Variants in PARP14 observed in about 807,000 individuals in gnomAD.
PARP14 encodes the protein poly(ADP-ribose) polymerase family member 14.
In PARP14, 59 loss-of-function variants were observed where a neutral mutation model predicts 154.2. The observed-to-expected ratio is 0.38, with a 90% CI of 0.31 to 0.48. The LOEUF (loss-of-function observed/expected upper bound fraction) is 0.48. Among genes scored for constraint, PARP14 ranks in the 20% least tolerant of loss-of-function variants. PARP14 has a pLI of 0.98. For synonymous variants in PARP14, 720 were observed against 780.5 expected, an observed-to-expected ratio of 0.92 and a Z score of 1.29; for missense variants, 1,734 against 2,131.6, an observed-to-expected ratio of 0.81 and a Z score of 3.67.
intron 9 of PARP14, among the ~76,000 whole-genome samples, chr3:122,709,573 G>A (rs1180211181): frequency 6.6e-6 from 1 of 152,140 alleles, no homozygotes. Flanking sequence ...TGGGATTGCT[G>A]GATTGAATGG....
intron 15 of PARP14, 134 bp from the exon 16 acceptor site, chr3:122,727,678 G>T: frequency 2.0e-6 from 1 of 507,332 alleles, no homozygotes; most frequent in Non-Finnish European, 3.4e-6. Context: ...TCTGAATGCA[G>T]AAAGCTGCCG....
intron 6 of PARP14, among the ~76,000 whole-genome samples, chr3:122,703,233 C>T (rs535319910): frequency 2.0e-5 from 3 of 152,188 alleles, no homozygotes; most frequent in Admixed American, 6.5e-5. Flanking sequence ...AAAAAGCTTC[C>T]GGGGCTGCTC....
intron 3 of PARP14, 86 bp from the exon 4 acceptor site, chr3:122,692,215 G>A (rs145002822): frequency 0.011 from 12,159 of 1,123,966 alleles, 172 homozygotes; most frequent in Non-Finnish European, 9.9e-3. Flanking sequence ...CAAGGAGAGA[G>A]GGCAGTGCCT....
chr3:122,684,684 A>G (rs1938315035), intron 1 of PARP14, among the ~76,000 whole-genome samples: 1 of 152,044 alleles, frequency 6.6e-6, no homozygotes, highest in Admixed American at 6.6e-5. Flanking sequence ...GTTTCTAACT[A>G]GGCTCCTGCT....
At chr3:122,728,253 CAT>C in intron 16 of PARP14, 53 bp from the exon 17 acceptor site, 2 of 1,443,874 alleles carry the variant, frequency 1.4e-6, no homozygotes, top group South Asian at 1.2e-5. Context: ...ATTGGGCCAA[CAT>C]ATCAAATTTT....
At chr3:122,686,857 T>C (rs1213772107) in intron 2 of PARP14, 11 of 503,918 alleles carry the variant, frequency 2.2e-5, no homozygotes, top group Non-Finnish European at 3.2e-5. Context: ...TGGTGTTAAT[T>C]GAGGTTTCTG....
chr3:122,692,540 A>G lies in PARP14; in HGVS notation c.595A>G (p.Ile199Val), dbSNP rs576344698. The G allele has an allele frequency of 6.2e-7, 1 of 1,606,606 alleles. No individual in the cohort carries two copies. The highest frequency in any genetic ancestry group is 1.3e-5 in the African/African-American group (1 of 74,926). ...TGCTGTTGTTACCTTTCAAAAGCAC[A>G]TAGGTAAGATGAAGTGACACTTCCT... ...DVAVVTFQKH[I>V]DTIRFVDDCT... Residue 199 changes from isoleucine to valine, a missense_variant, in exon 4 of 17, where the codon ATA becomes GTA. This residue lies in a region of PARP14 where 1,646 missense variants were observed against 1,976.0 expected (regional missense o/e 0.83). Transcript: ENST00000474629.
At position 122,701,784 on chromosome 3, in the gene PARP14, T is replaced by G; in HGVS notation, c.3081+149T>G. The G allele has an allele frequency of 1.5e-6, 1 of 646,040 alleles. No homozygotes were observed. The highest frequency in any genetic ancestry group is 2.7e-6 in the Non-Finnish European group (1 of 376,662). 40.0% of individuals were successfully genotyped at this position (646,040 alleles called of 1,614,324 possible). On this transcript the variant is annotated intron_variant, in intron 6 of 16. Coordinates refer to ENST00000474629, the MANE Select transcript of PARP14 (RefSeq NM_017554.3). This position sits in a 1 kb window ranked among gnomAD's most constrained non-coding sequence, Gnocchi z 4.0. ...TTCCACCCCTGCCTTGAAACAATTT[T>G]CCTTAGATAATTGGGCTTCTTACCA...
intron 6 of PARP14, among the ~76,000 whole-genome samples, chr3:122,702,912 C>G (rs1939021035): frequency 6.7e-6 from 1 of 148,838 alleles, no homozygotes. Context: ...ATCACTTGAA[C>G]CCTAGGAGTT....
chr3:122,718,351 CT>C lies in PARP14; in HGVS notation c.4208-3del. 6.2e-7 allele frequency: 1 copy of C among 1,610,528 alleles called. No individual in the cohort carries two copies. Among genetic ancestry groups the C allele is most frequent in the Non-Finnish European group, 8.5e-7 (1 of 1,178,584 alleles). On this transcript the variant is annotated splice_region_variant and splice_polypyrimidine_tract_variant and intron_variant, in intron 13 of 16. Coordinates refer to ENST00000474629, the MANE Select transcript of PARP14 (RefSeq NM_017554.3). Reference sequence around the variant, plus strand: ...ATGTGAAATACCTAATCTTCCTTTTCTTTTTAGCATTTTTGGGCTTTTCAAA... The same window carrying C: ...ATGTGAAATACCTAATCTTCCTTTTCTTTTAGCATTTTTGGGCTTTTCAAA...
At chr3:122,715,286 C>T (rs1932963132) in intron 12 of PARP14, among the ~76,000 whole-genome samples, 1 of 152,046 alleles carries the variant, frequency 6.6e-6, no homozygotes, top group African/African-American at 2.4e-5. Context: ...TAGTCAGCAT[C>T]GGATCTGTCA....
chr3:122,711,662 CAATTCTTTGAATGTCTGGTAG>C (rs1479557429), intron 9 of PARP14, among the ~76,000 whole-genome samples: 1 of 152,038 alleles, frequency 6.6e-6, no homozygotes, highest in Non-Finnish European at 1.5e-5. Flanking sequence ...GGATTGGTAC[CAATTCTTTGAATGTCTGGTAG>C]AATTCAGCTG....
chr3:122,701,163 G>C lies in PARP14; in HGVS notation c.2609G>C (p.Gly870Ala). The C allele has an allele frequency of 1.2e-6, 2 of 1,613,956 alleles. No homozygotes were observed. The highest frequency in any genetic ancestry group is 1.7e-6 in the Non-Finnish European group (2 of 1,179,844). The change falls in exon 6 of 17, where the codon GGA (glycine) becomes GCA (alanine). Residue 870 changes from glycine to alanine, a missense_variant. Transcript: ENST00000474629. This position sits in a 1 kb window ranked among gnomAD's most constrained non-coding sequence, Gnocchi z 4.0. ...GGCAATGCCACCATCTCCAAGGCAGGAAAGCTGCCCTACCACCACGTGATC... is the reference window on the plus strand; with the variant it reads ...GGCAATGCCACCATCTCCAAGGCAGCAAAGCTGCCCTACCACCACGTGATC... ...LPGNATISKA[G>A]KLPYHHVIHA...
At chr3:122,715,143 G>A (rs902257634) in intron 12 of PARP14, among the ~76,000 whole-genome samples, 2 of 151,878 alleles carry the variant, frequency 1.3e-5, no homozygotes, top group Non-Finnish European at 2.9e-5. Flanking sequence ...TGGGCAGAAT[G>A]TGCAGTTTTG....
At chr3:122,708,047 A>T (rs1243319755) in intron 8 of PARP14, 143 bp from the exon 9 acceptor site, 1 of 573,294 alleles carries the variant, frequency 1.7e-6, no homozygotes, top group African/African-American at 1.9e-5. Context: ...AACTTTCAAG[A>T]TCTGCAATGA....
At chr3:122,692,014 C>A (rs1265328056) in intron 3 of PARP14, among the ~76,000 whole-genome samples, 1 of 152,044 alleles carries the variant, frequency 6.6e-6, no homozygotes, top group African/African-American at 2.4e-5. Flanking sequence ...ATGTACCCAC[C>A]AGCAATAAAT....
intron 12 of PARP14, 80 bp downstream of exon 12, chr3:122,714,509 C>A: frequency 1.7e-6 from 2 of 1,157,388 alleles, no homozygotes; most frequent in Non-Finnish European, 2.4e-6. Flanking sequence ...TGAATGCGGT[C>A]AGTGCTGAGT....
chr3:122,728,519 T>C lies in PARP14; in HGVS notation c.5328T>C (p.Asn1776=), dbSNP rs751845143. 4.3e-6 allele frequency: 7 copies of C among 1,613,764 alleles called. No individual in the cohort carries two copies. Among genetic ancestry groups the C allele is most frequent in the Non-Finnish European group, 5.9e-6 (7 of 1,179,704 alleles). ...PTDLYDTVTD[N]VHHPSLFVAF... ...ACCTGTATGACACTGTCACAGATAA[T>C]GTGCACCATCCAAGTTTATTTGTGG... The change falls in exon 17 of 17, where the codon AAT becomes AAC. Residue 1776 remains asparagine, a synonymous_variant. Coordinates refer to ENST00000474629, the MANE Select transcript of PARP14 (RefSeq NM_017554.3).
At chr3:122,717,926 T>C in intron 12 of PARP14, 145 bp from the exon 13 acceptor site, 2 of 672,392 alleles carry the variant, frequency 3.0e-6, no homozygotes, top group South Asian at 3.8e-5. Context: ...AAGTGTTTGC[T>C]GATGCTTTGT....
Sources: allele counts gnomAD v4.1 joint callset (sites outside exome capture counted in the v4.1 genomes callset), GRCh38; gene constraint gnomAD v4.1.1; regional missense constraint gnomAD v4.1.1; non-coding constraint Gnocchi (gnomAD v3.1); transcripts MANE v1.5; gene names NCBI Gene and HGNC (gene_info 2026-07-23, HGNC 2026-07-21).